The following ZNF652 variants were observed in gnomAD, a reference collection of about 807,000 sequenced individuals.
ZNF652 encodes zinc finger protein 652.
ZNF652 carries 16 observed loss-of-function variants against 45.2 expected under a neutral mutation model. The ratio of observed to expected loss-of-function variants is 0.35; its 90% CI spans 0.24 to 0.54. ZNF652 has a LOEUF of 0.54. Ranked by LOEUF, ZNF652 falls within the 20% of genes least tolerant of loss-of-function variation. The probability of loss-of-function intolerance (pLI) is 0.91; values close to 1 mark genes in which losing one functional copy is unlikely to be tolerated. For missense variants in ZNF652, 614 were observed against 765.6 expected (o/e 0.80, Z 2.34); for synonymous variants, 250 against 260.6 (o/e 0.96, Z 0.39).
intron 1 of ZNF652, among the ~76,000 whole-genome samples, chr17:49,338,449 C>T (rs1439492244): frequency 6.6e-6 from 1 of 152,076 alleles, no homozygotes; most frequent in Non-Finnish European, 1.5e-5. Context: ...AGCAGAAGGG[C>T]GAAAAGAAGA....
chr17:49,302,027 G>C (rs568919544), intron 5 of ZNF652, among the ~76,000 whole-genome samples: 1 of 152,054 alleles, frequency 6.6e-6, no homozygotes, highest in Non-Finnish European at 1.5e-5. Flanking sequence ...CGAAGCAGGA[G>C]GATTGCTTAA....
chr17:49,293,299 T>C lies in ZNF652; in HGVS notation c.*5114A>G, dbSNP rs1311465449. Among the ~76,000 whole-genome samples, 1 of 152,220 alleles carries C rather than the reference T, an allele frequency of 6.6e-6. No homozygotes were observed. Among genetic ancestry groups the C allele is most frequent in the African/African-American group, 2.4e-5 (1 of 41,456 alleles). Reference sequence around the variant, plus strand: ...ATAAATGGTATGTGATCTGGTTCTTTAAACAAATTTACTGAAGCAAAAGCT... The same window carrying C: ...ATAAATGGTATGTGATCTGGTTCTTCAAACAAATTTACTGAAGCAAAAGCT... On this transcript the variant is annotated 3_prime_UTR_variant, in exon 6 of 6. Transcript: ENST00000430262.
intron 5 of ZNF652, among the ~76,000 whole-genome samples, chr17:49,301,302 C>G (rs1272425802): frequency 6.6e-6 from 1 of 151,168 alleles, no homozygotes; most frequent in Non-Finnish European, 1.5e-5. Flanking sequence ...TGTCTTTACG[C>G]TTTTTTTTTG....
In ZNF652 at chr17:49,302,964, AAAAC is replaced by A. The variant is rs993597515; in HGVS notation, c.1310-4044_1310-4041del. ...GTGATAGAGCAAGACTCCATCTCAA[AAAAC>A]AAACAAACAAACAAAAAAGCATGCA... On this transcript the variant is annotated intron_variant, in intron 5 of 5. Coordinates refer to ENST00000430262, the MANE Select transcript of ZNF652 (RefSeq NM_001145365.3). Among the ~76,000 whole-genome samples, 43 of 152,112 alleles carry A rather than the reference AAAAC, an allele frequency of 2.8e-4. No individual in the cohort carries two copies. In the South Asian group the frequency reaches 6.0e-3, roughly 21 times the overall value.
chr17:49,302,740 T>C lies in ZNF652; in HGVS notation c.1310-3816A>G, dbSNP rs1047908524. ...ACTTTAGGAGGCTGAGGCACGCGGA[T>C]CATTTGAGGTCAGGAGTTCGAGACA... On this transcript the variant is annotated intron_variant, in intron 5 of 5. Transcript: ENST00000430262. 7.3e-5 allele frequency among the ~76,000 whole-genome samples: 11 copies of C among 149,748 alleles called. 1 individual carries two copies. Among genetic ancestry groups the C allele is most frequent in the South Asian group, 4.3e-4 (2 of 4,680 alleles).
intron 1 of ZNF652, among the ~76,000 whole-genome samples, chr17:49,358,732 T>A (rs1212602128): frequency 6.6e-6 from 1 of 152,180 alleles, no homozygotes; most frequent in Non-Finnish European, 1.5e-5. Context: ...TTCCCATACT[T>A]AGAACAGAAA....
At chr17:49,323,633 T>A (rs1035130484) in intron 1 of ZNF652, among the ~76,000 whole-genome samples, 2 of 152,142 alleles carry the variant, frequency 1.3e-5, no homozygotes, top group Non-Finnish European at 2.9e-5. Context: ...ATAATAAGAC[T>A]AGGAGGTAAA....
intron 5 of ZNF652, among the ~76,000 whole-genome samples, chr17:49,305,195 T>C (rs1319539793): frequency 6.6e-6 from 1 of 152,126 alleles, no homozygotes; most frequent in East Asian, 1.9e-4. Flanking sequence ...TTCAAACAAA[T>C]AAATTTTAAA....
intron 5 of ZNF652, among the ~76,000 whole-genome samples, chr17:49,310,142 A>G (rs1472197707): frequency 6.6e-6 from 1 of 152,038 alleles, no homozygotes; most frequent in African/African-American, 2.4e-5. Flanking sequence ...TTTAGTAGAG[A>G]TGGGGTTTCA....
intron 1 of ZNF652, among the ~76,000 whole-genome samples, chr17:49,354,727 T>C (rs1431624058): frequency 6.6e-6 from 1 of 152,090 alleles, no homozygotes; most frequent in Non-Finnish European, 1.5e-5. Flanking sequence ...CTTATTTCTT[T>C]TTCTTTTTCT....
chr17:49,327,726 AATAAAT>A (rs2069970567), intron 1 of ZNF652, among the ~76,000 whole-genome samples: 1 of 76,012 alleles, frequency 1.3e-5, no homozygotes, highest in Non-Finnish European at 2.5e-5. Flanking sequence ...CTTTTAAATA[AATAAAT>A]ATATATATAT....
intron 2 of ZNF652, among the ~76,000 whole-genome samples, chr17:49,313,136 T>C (rs554107196): frequency 6.2e-4 from 95 of 152,324 alleles, no homozygotes; most frequent in African/African-American, 2.1e-3. Context: ...GTTAGTATTG[T>C]ACCTATGAAA....
At chr17:49,318,739 A>T (rs371647451) in intron 1 of ZNF652, among the ~76,000 whole-genome samples, 1 of 152,210 alleles carries the variant, frequency 6.6e-6, no homozygotes, top group East Asian at 1.9e-4. Flanking sequence ...TTCTTTCAAC[A>T]TCAATCACCA....
chr17:49,350,970 CATAT>C (rs372720324), intron 1 of ZNF652, among the ~76,000 whole-genome samples: 750 of 42,162 alleles, frequency 0.018, 12 homozygotes, highest in Middle Eastern at 0.093. Context: ...ACTCTGTCTA[CATAT>C]ATATATATAT....
chr17:49,332,444 T>G (rs2070035024), intron 1 of ZNF652, among the ~76,000 whole-genome samples: 2 of 152,184 alleles, frequency 1.3e-5, no homozygotes, highest in African/African-American at 4.8e-5. Context: ...TGCCTTTTCC[T>G]TCCCATAAGC....
At chr17:49,328,073 A>G (rs1048416727) in intron 1 of ZNF652, among the ~76,000 whole-genome samples, 4 of 151,928 alleles carry the variant, frequency 2.6e-5, no homozygotes, top group Admixed American at 2.6e-4. Context: ...TGTACAATGG[A>G]GATAGTCGTA....
chr17:49,352,659 T>C (rs1403132937), intron 1 of ZNF652, among the ~76,000 whole-genome samples: 4 of 152,344 alleles, frequency 2.6e-5, no homozygotes, highest in South Asian at 2.1e-4. Flanking sequence ...ATGAAACTTA[T>C]ATTCACCCCA....
chr17:49,354,736 C>CT (rs916912276), intron 1 of ZNF652, among the ~76,000 whole-genome samples: 3 of 151,152 alleles, frequency 2.0e-5, no homozygotes, highest in Non-Finnish European at 3.0e-5. Flanking sequence ...TTTTCTTTTT[C>CT]TTTTTTTTGA....
At chr17:49,355,375 A>T (rs1235734134) in intron 1 of ZNF652, among the ~76,000 whole-genome samples, 1 of 147,120 alleles carries the variant, frequency 6.8e-6, no homozygotes, top group Non-Finnish European at 1.5e-5. Context: ...ACTTGAGCCC[A>T]GCAGGAGTTT....
Sources: allele counts gnomAD v4.1 joint callset (sites outside exome capture counted in the v4.1 genomes callset), GRCh38; gene constraint gnomAD v4.1.1; transcripts MANE v1.5; gene names NCBI Gene and HGNC (gene_info 2026-07-23, HGNC 2026-07-21).